TRPV2: variants seen among roughly 807,000 people sequenced by gnomAD.
TRPV2 encodes OTRPC2.
In TRPV2, 58 loss-of-function variants were observed where a neutral mutation model predicts 91.0. The ratio of observed to expected loss-of-function variants is 0.64; its 90% CI spans 0.52 to 0.79. The LOEUF (loss-of-function observed/expected upper bound fraction) is 0.79. Ranked by LOEUF, TRPV2 falls within the 30% of genes least tolerant of loss-of-function variation. TRPV2 has a pLI of 0.00. For missense variants in TRPV2, 807 were observed against 969.6 expected (o/e 0.83, Z 2.23); for synonymous variants, 417 against 414.8 (o/e 1.01, Z -0.06).
In TRPV2 at chr17:16,431,293, T is replaced by TATA. The variant is rs1568919199; in HGVS notation, c.1588-491_1588-490insATA. On this transcript the variant is annotated intron_variant, in intron 10 of 14. Transcript: ENST00000338560. ...TATATATATATATATATATACATAT[T>TATA]TTTTTTTTTTTTTTTTTTGAGACGA... 7.1e-3 allele frequency among the ~76,000 whole-genome samples: 319 copies of TATA among 44,932 alleles called. 3 individuals carry two copies. The highest frequency in any genetic ancestry group is 8.8e-3 in the African/African-American group (58 of 6,572). 29.5% of individuals were successfully genotyped at this position (44,932 alleles called of 152,430 possible). A position where few individuals can be genotyped will look rare whatever the true frequency, so the allele number is the denominator to read the frequency against.
At chr17:16,434,487 AAAC>A (rs2093427089) in intron 13 of TRPV2, among the ~76,000 whole-genome samples, 1 of 147,512 alleles carries the variant, frequency 6.8e-6, no homozygotes, top group African/African-American at 2.5e-5. Flanking sequence ...AAAAAAAAGA[AAAC>A]AACAGCAACA....
intron 10 of TRPV2, 100 bp downstream of exon 10, chr17:16,429,082 C>T (rs972501734): frequency 3.5e-5 from 47 of 1,329,434 alleles, no homozygotes; most frequent in Non-Finnish European, 4.7e-5. Context: ...ATGTGTACAT[C>T]TGCCTGTGCG....
intron 12 of TRPV2, 169 bp from the exon 13 acceptor site, chr17:16,433,405 C>T: frequency 1.0e-6 from 1 of 953,924 alleles, no homozygotes; most frequent in South Asian, 1.6e-5. Context: ...AGGGCCCAAC[C>T]CCACACAGGT....
intron 7 of TRPV2, 37 bp from the exon 8 acceptor site, chr17:16,427,412 A>C (rs2093388468): frequency 1.9e-6 from 3 of 1,597,190 alleles, no homozygotes; most frequent in Admixed American, 1.7e-5. Context: ...TCGAGAGAGG[A>C]CCCAAGGCCC....
At position 16,415,792 on chromosome 17, in the gene TRPV2, C is replaced by G. The variant is rs982383036; in HGVS notation, c.-149C>G. 6 of 152,412 alleles carry G rather than the reference C, an allele frequency of 3.9e-5. No individual in the cohort carries two copies. The East Asian group carries it at 1.2e-3, about 29-fold the overall frequency. The allele number at this position is 152,412 out of a possible 1,614,324, so 9.4% of individuals were successfully genotyped here. A position where few individuals can be genotyped will look rare whatever the true frequency, so the allele number is the denominator to read the frequency against. Reference sequence around the variant, plus strand: ...CGCAGCCCCTGCTACTGAGAAGCTCCGGGATCCCAGCAGCCGCCACGCCCT... The same window carrying G: ...CGCAGCCCCTGCTACTGAGAAGCTCGGGGATCCCAGCAGCCGCCACGCCCT... On this transcript the variant is annotated 5_prime_UTR_variant, in exon 1 of 15. Coordinates refer to ENST00000338560, the MANE Select transcript of TRPV2 (RefSeq NM_016113.5). The surrounding 1 kb of genome is among the most constrained non-coding windows in gnomAD (Gnocchi z 4.5).
intron 2 of TRPV2, among the ~76,000 whole-genome samples, chr17:16,419,727 A>T (rs1271289882): frequency 6.6e-6 from 1 of 152,242 alleles, no homozygotes; most frequent in African/African-American, 2.4e-5. Flanking sequence ...GACCTCCCAC[A>T]GCCCTATCCA....
At chr17:16,421,780 A>G (rs561171801) in intron 3 of TRPV2, among the ~76,000 whole-genome samples, 3 of 151,634 alleles carry the variant, frequency 2.0e-5, no homozygotes, top group African/African-American at 7.2e-5. Context: ...GGCCTCCCAA[A>G]GTGTTGGGAT....
intron 10 of TRPV2, among the ~76,000 whole-genome samples, chr17:16,430,934 C>A (rs1249889681): frequency 8.5e-5 from 13 of 152,058 alleles, no homozygotes; most frequent in Non-Finnish European, 2.9e-5. Flanking sequence ...GTAAAAGTAT[C>A]TGTTAGAGTC....
At chr17:16,436,050 C>G (rs1217472857) in intron 14 of TRPV2, among the ~76,000 whole-genome samples, 1 of 152,110 alleles carries the variant, frequency 6.6e-6, no homozygotes, top group Non-Finnish European at 1.5e-5. Flanking sequence ...TCACCCCACC[C>G]CCTCCTCACC....
chr17:16,429,659 C>T (rs1378177363), intron 10 of TRPV2, among the ~76,000 whole-genome samples: 1 of 152,042 alleles, frequency 6.6e-6, no homozygotes, highest in African/African-American at 2.4e-5. Context: ...CAGCAGAGGG[C>T]ACAGCAGTGG....
chr17:16,416,937 G>A (rs1350435639), intron 1 of TRPV2, among the ~76,000 whole-genome samples: 1 of 152,206 alleles, frequency 6.6e-6, no homozygotes, highest in Admixed American at 6.5e-5. Flanking sequence ...TGGCTGCCAG[G>A]CAAGACGTTG....
chr17:16,426,291 T>G lies in TRPV2; in HGVS notation c.1095+22T>G. 6.2e-7 allele frequency: 1 copy of G among 1,612,980 alleles called. No homozygotes were observed. ...CCCGGTGAGCCCACAGGAGCATGGG[T>G]GCACGCAGAGGACCCAGCAGAGTTT... On this transcript the variant is annotated intron_variant, in intron 6 of 14. Coordinates refer to ENST00000338560, the MANE Select transcript of TRPV2 (RefSeq NM_016113.5). The surrounding 1 kb of genome is among the most constrained non-coding windows in gnomAD (Gnocchi z 6.0).
intron 2 of TRPV2, chr17:16,419,529 T>G (rs943282434): frequency 2.7e-5 from 11 of 413,620 alleles, no homozygotes; most frequent in Non-Finnish European, 5.4e-5. Context: ...TGTGTGACTT[T>G]GGCAAGTTAC....
chr17:16,417,915 T>A (rs2093339290), intron 2 of TRPV2, 47 bp downstream of exon 2: 1 of 1,560,484 alleles, frequency 6.4e-7, no homozygotes, highest in South Asian at 1.1e-5. Flanking sequence ...CCTGCCCAGC[T>A]CCAGCAGAGC....
intron 4 of TRPV2, 35 bp from the exon 5 acceptor site, chr17:16,423,434 A>C: frequency 6.4e-7 from 1 of 1,559,666 alleles, no homozygotes; most frequent in Non-Finnish European, 8.7e-7. Flanking sequence ...GGAAAGCAGG[A>C]GGCCTGGGGC....
chr17:16,423,712 G>C lies in TRPV2; in HGVS notation c.869G>C (p.Arg290Pro), dbSNP rs546383689. Residue 290 changes from arginine to proline, a missense_variant, in exon 5 of 15, where the codon CGC becomes CCC. By Grantham distance (103) the Arg-to-Pro change is moderately radical. Transcript: ENST00000338560. ...LCPTVQLEDI[R>P]NLQDLTPLKL... The stretch of plus-strand genomic sequence containing the variant: ...CCTACCGTGCAGCTTGAGGACATCC[G>C]CAACCTGCAGGATCTCACGCCTCTG... 1 of 1,610,490 alleles carries C rather than the reference G, an allele frequency of 6.2e-7. No individual in the cohort carries two copies. Among genetic ancestry groups the C allele is most frequent in the Non-Finnish European group, 8.5e-7 (1 of 1,177,636 alleles).
intron 3 of TRPV2, among the ~76,000 whole-genome samples, chr17:16,421,687 A>G (rs2093358256): frequency 6.7e-6 from 1 of 149,450 alleles, no homozygotes; most frequent in African/African-American, 2.5e-5. Flanking sequence ...GCGCCTGGCT[A>G]ATTTTTGTAT....
rs753969367 is a variant in TRPV2, at chr17:16,426,320, G to T, written c.1095+51G>T. The T allele has an allele frequency of 3.1e-6, 5 of 1,599,904 alleles. No homozygotes were observed. The Admixed American group carries it at 8.5e-5, about 27-fold the overall frequency. ...CGCAGAGGACCCAGCAGAGTTTCCA[G>T]CAAGGTCCACAAATTGGGGCTGCCT... is the stretch of plus-strand genomic sequence containing the variant. On this transcript the variant is annotated intron_variant, in intron 6 of 14. Transcript: ENST00000338560. This position sits in a 1 kb window ranked among gnomAD's most constrained non-coding sequence, Gnocchi z 6.0.
Position 16,428,313 on chromosome 17 carries a change from G to A in TRPV2, c.1351-4G>A, listed in dbSNP as rs201142576. 1,726 of 1,614,108 alleles carry A rather than the reference G, an allele frequency of 1.1e-3. 14 individuals carry two copies. The highest frequency in any genetic ancestry group is 9.9e-3 in the South Asian group (899 of 91,086). ...ACAGCCCTCTGTCCTCCCTTCCTCC[G>A]CAGCTGTGGTACTTCTGGCGGCGCC... On this transcript the variant is annotated splice_region_variant and splice_polypyrimidine_tract_variant and intron_variant, in intron 8 of 14. Transcript: ENST00000338560.
Sources: gnomAD v4.1 joint callset for allele counts (sites outside exome capture counted in the v4.1 genomes callset) on GRCh38, gnomAD v4.1.1 for gene constraint, Gnocchi (gnomAD v3.1) non-coding constraint, MANE v1.5 for transcripts, NCBI Gene and HGNC (gene_info 2026-07-23, HGNC 2026-07-21) for gene names.